The following XXYLT1 variants were observed in gnomAD, a reference collection of about 807,000 sequenced individuals.
XXYLT1 encodes xyloside xylosyltransferase 1.
Under a neutral mutation model 28.9 loss-of-function variants are expected in XXYLT1, and 20 were observed. The observed-to-expected ratio is 0.69, with a 90% CI of 0.49 to 1.00. The LOEUF (loss-of-function observed/expected upper bound fraction) is 1.00. Ranked by LOEUF, XXYLT1 falls within the 50% of genes least tolerant of loss-of-function variation. The pLI, the probability that XXYLT1 is intolerant of heterozygous loss-of-function variation, is 0.00. For missense variants in XXYLT1, 542 were observed against 560.1 expected, an observed-to-expected ratio of 0.97 and a Z score of 0.33; for synonymous variants, 257 against 253.8, an observed-to-expected ratio of 1.01 and a Z score of -0.12.
At chr3:195,250,564 CA>C (rs112929194) in intron 1 of XXYLT1, among the ~76,000 whole-genome samples, 1,318 of 107,290 alleles carry the variant, frequency 0.012, 14 homozygotes, top group Middle Eastern at 0.068. Context: ...AACTCCATCT[CA>C]AAAAAAAAAA....
intron 3 of XXYLT1, among the ~76,000 whole-genome samples, chr3:195,080,125 G>A (rs530961715): frequency 9.9e-4 from 151 of 152,142 alleles, no homozygotes; most frequent in Non-Finnish European, 1.9e-3. Flanking sequence ...AACGTGCCTC[G>A]GGCCCAGTCA....
chr3:195,151,234 G>A (rs563631756), intron 3 of XXYLT1, among the ~76,000 whole-genome samples: 6 of 152,282 alleles, frequency 3.9e-5, no homozygotes, highest in South Asian at 2.1e-4. Flanking sequence ...GGAAAAAAGC[G>A]GGATATCTGT....
At chr3:195,178,287 C>T (rs1156435423) in intron 2 of XXYLT1, among the ~76,000 whole-genome samples, 6 of 152,136 alleles carry the variant, frequency 3.9e-5, no homozygotes, top group Non-Finnish European at 8.8e-5. Context: ...ACGGAACCCT[C>T]GCCCAAACCT....
At chr3:195,102,744 G>A (rs763330831) in intron 3 of XXYLT1, among the ~76,000 whole-genome samples, 1 of 152,094 alleles carries the variant, frequency 6.6e-6, no homozygotes, top group Non-Finnish European at 1.5e-5. Flanking sequence ...TCCGTATCTT[G>A]GCTACTGTGA....
intron 3 of XXYLT1, chr3:195,134,419 C>T (rs1719060586): frequency 6.6e-6 from 1 of 152,642 alleles, no homozygotes; most frequent in East Asian, 1.9e-4. Context: ...ATGTACTGTA[C>T]TTTTTCTATA....
At chr3:195,216,768 T>C (rs1723593320) in intron 2 of XXYLT1, among the ~76,000 whole-genome samples, 1 of 147,102 alleles carries the variant, frequency 6.8e-6, no homozygotes, top group Non-Finnish European at 1.5e-5. Context: ...TCTGAAACTA[T>C]TCCAATCAAT....
chr3:195,093,674 G>A (rs1716242690), intron 3 of XXYLT1: 1 of 150,386 alleles, frequency 6.6e-6, no homozygotes, highest in African/African-American at 2.5e-5. Context: ...AGAACTTAAA[G>A]TATAATAAAA....
chr3:195,268,904 G>C (rs1258802430), intron 1 of XXYLT1, among the ~76,000 whole-genome samples: 1 of 152,202 alleles, frequency 6.6e-6, no homozygotes, highest in Non-Finnish European at 1.5e-5. Context: ...GCCAGGCATT[G>C]TACATAGGGA....
intron 2 of XXYLT1, among the ~76,000 whole-genome samples, chr3:195,212,048 C>T (rs185617280): frequency 1.7e-4 from 24 of 140,354 alleles, no homozygotes; most frequent in Admixed American, 1.3e-3. Flanking sequence ...AGAATGCCAC[C>T]GGGAAGATCT....
chr3:195,136,011 C>T (rs1156751335), intron 3 of XXYLT1, among the ~76,000 whole-genome samples: 4 of 152,178 alleles, frequency 2.6e-5, no homozygotes, highest in Non-Finnish European at 4.4e-5. Context: ...AAAACCTACA[C>T]CACTGAGATT....
intron 3 of XXYLT1, among the ~76,000 whole-genome samples, chr3:195,110,467 G>GTGTATAAGTGT (rs1717569834): frequency 7.1e-6 from 1 of 140,446 alleles, no homozygotes; most frequent in South Asian, 2.4e-4. Flanking sequence ...GTGGTGTGTG[G>GTGTATAAGTGT]GTGAGGTGTG....
chr3:195,130,823 G>T (rs1225420727), intron 3 of XXYLT1, among the ~76,000 whole-genome samples: 3 of 152,208 alleles, frequency 2.0e-5, no homozygotes, highest in Non-Finnish European at 4.4e-5. Context: ...GAAGGGAGAG[G>T]AGGGCAGTGA....
At chr3:195,184,112 C>T (rs1321760934) in intron 2 of XXYLT1, among the ~76,000 whole-genome samples, 1 of 152,214 alleles carries the variant, frequency 6.6e-6, no homozygotes, top group Non-Finnish European at 1.5e-5. Flanking sequence ...TAATCAGCAT[C>T]ATTGAGCTAT....
chr3:195,076,521 C>T lies in XXYLT1; in HGVS notation c.786-6410G>A, dbSNP rs1271484032. ...CTGTTACAGCCTGCACAGTGGGCCTCATTTTTACCTAAAGACCACTGGGCT... is the reference window on the plus strand; with the variant it reads ...CTGTTACAGCCTGCACAGTGGGCCTTATTTTTACCTAAAGACCACTGGGCT... On this transcript the variant is annotated intron_variant, in intron 3 of 3. Transcript: ENST00000310380. The surrounding 1 kb of genome is among the most constrained non-coding windows in gnomAD (Gnocchi z 5.3). Among the ~76,000 whole-genome samples the T allele has an allele frequency of 2.0e-5, 3 of 152,180 alleles. No homozygotes were observed. The highest frequency in any genetic ancestry group is 4.4e-5 in the Non-Finnish European group (3 of 68,040).
chr3:195,141,965 C>G (rs1719516995), intron 3 of XXYLT1, among the ~76,000 whole-genome samples: 1 of 152,260 alleles, frequency 6.6e-6, no homozygotes, highest in South Asian at 2.1e-4. Flanking sequence ...AACAAAATCT[C>G]TTTGTGTAGC....
At chr3:195,253,045 A>G (rs550655939) in intron 1 of XXYLT1, among the ~76,000 whole-genome samples, 4 of 152,304 alleles carry the variant, frequency 2.6e-5, no homozygotes, top group African/African-American at 9.6e-5. Flanking sequence ...TGAGATTTAC[A>G]GCTTTCCACT....
At chr3:195,100,445 G>A (rs979104588) in intron 3 of XXYLT1, among the ~76,000 whole-genome samples, 6 of 152,184 alleles carry the variant, frequency 3.9e-5, no homozygotes, top group African/African-American at 1.4e-4. Context: ...CAGAAGGCAG[G>A]CATCTGCAGA....
At chr3:195,157,391 C>G (rs1720658599) in intron 2 of XXYLT1, among the ~76,000 whole-genome samples, 1 of 152,094 alleles carries the variant, frequency 6.6e-6, no homozygotes, top group Non-Finnish European at 1.5e-5. Context: ...AGATGTGTGT[C>G]AAGTGAAGAT....
intron 2 of XXYLT1, among the ~76,000 whole-genome samples, chr3:195,192,781 A>C (rs1722478908): frequency 6.6e-6 from 1 of 152,246 alleles, no homozygotes; most frequent in South Asian, 2.1e-4. Context: ...AAGGCAAAAA[A>C]TAAAATGAAT....
Sources: gnomAD v4.1 joint callset for allele counts (sites outside exome capture counted in the v4.1 genomes callset) on GRCh38, gnomAD v4.1.1 for gene constraint, Gnocchi (gnomAD v3.1) non-coding constraint, MANE v1.5 for transcripts, NCBI Gene and HGNC (gene_info 2026-07-23, HGNC 2026-07-21) for gene names.